The following STN1 variants were observed in gnomAD, a reference collection of about 807,000 sequenced individuals.
The protein encoded by STN1 is CST complex subunit STN1.
A neutral mutation model predicts 45.5 loss-of-function variants in STN1; 29 were observed. The ratio of observed to expected loss-of-function variants is 0.64; its 90% CI spans 0.47 to 0.87. The LOEUF is 0.87. STN1 is among the 40% of genes least tolerant of loss of function. STN1 has a pLI of 0.00. For synonymous variants in STN1, 148 were observed against 159.0 expected, an observed-to-expected ratio of 0.93 and a Z score of 0.52; for missense variants, 376 against 441.4, an observed-to-expected ratio of 0.85 and a Z score of 1.33.
At position 103,909,400 on chromosome 10, in the gene STN1, A is replaced by ATATATATGTATATATGTATATATATGTG. The variant is rs1564634942; in HGVS notation, c.229+1126_229+1127insCACATATATATACATATATACATATATA. Among the ~76,000 whole-genome samples, 15 of 57,816 alleles carry ATATATATGTATATATGTATATATATGTG rather than the reference A, an allele frequency of 2.6e-4. 1 individual carries two copies. Among genetic ancestry groups the ATATATATGTATATATGTATATATATGTG allele is most frequent in the Admixed American group, 1.1e-3 (5 of 4,606 alleles). The allele number at this position is 57,816 out of a possible 152,430, so 37.9% of individuals were successfully genotyped here. A position where few individuals can be genotyped will look rare whatever the true frequency, so the allele number is the denominator to read the frequency against. On this transcript the variant is annotated intron_variant, in intron 3 of 9. Coordinates refer to ENST00000224950, the MANE Select transcript of STN1 (RefSeq NM_024928.5). ...TATATGTATATATATGTATATATGTATATATATGTATATATGTATATATGT... is the reference window on the plus strand; with the variant it reads ...TATATGTATATATATGTATATATGTATATATATGTATATATGTATATATATGTGTATATATGTATATATGTATATATGT...
chr10:103,892,022 T>G, intron 8 of STN1, 108 bp downstream of exon 8: 3 of 921,632 alleles, frequency 3.3e-6, no homozygotes, highest in Non-Finnish European at 4.7e-6. Flanking sequence ...TCTGATTTTA[T>G]GTACCTCCTT....
At chr10:103,893,246 G>T (rs1185522945) in intron 7 of STN1, among the ~76,000 whole-genome samples, 1 of 151,944 alleles carries the variant, frequency 6.6e-6, no homozygotes, top group East Asian at 1.9e-4. Flanking sequence ...TCAGCTCACT[G>T]CAAGCTCCAC....
rs898925474 is a variant in STN1 at position 103,897,604 on chromosome 10, C to T, written c.697G>A (p.Glu233Lys). 1.9e-6 allele frequency: 3 copies of T among 1,614,152 alleles called. No homozygotes were observed. In the African/African-American group the frequency reaches 4.0e-5, roughly 22 times the overall value. The change falls in exon 7 of 10, where the codon GAG becomes AAG. Residue 233 changes from glutamate to lysine, a missense_variant. Coordinates refer to ENST00000224950, the MANE Select transcript of STN1 (RefSeq NM_024928.5). ...TGATTGGCAAGGGACAGCAAAGACT[C>T]CACCATTTCCAGCTCCTGCTGGTAA... ...SFYQQELEMV[E>K]SLLSLANQPV...
chr10:103,910,546 A>C lies in STN1; in HGVS notation c.210T>G (p.Asp70Glu), dbSNP rs753319395. The change falls in exon 3 of 10, where the codon GAT becomes GAG. Residue 70 changes from aspartate to glutamate, a missense_variant. Physicochemically the swap from Asp to Glu is conservative, Grantham distance 45. Coordinates refer to ENST00000224950, the MANE Select transcript of STN1 (RefSeq NM_024928.5). ...LGTVIGVRER[D>E]AFYSYGVDDS... The stretch of plus-strand genomic sequence containing the variant: ...TCTTACCTCCATAACTGTAGAAAGC[A>C]TCTCTTTCTCTCACTCCAATGACAG... 7 of 1,601,128 alleles carry C rather than the reference A, an allele frequency of 4.4e-6. No individual in the cohort carries two copies. In the Admixed American group the frequency reaches 8.3e-5, roughly 19 times the overall value.
chr10:103,914,441 C>T (rs1356886886), intron 2 of STN1, among the ~76,000 whole-genome samples: 1 of 136,744 alleles, frequency 7.3e-6, no homozygotes, highest in East Asian at 2.2e-4. Context: ...GTGGTACAAT[C>T]ACAGCTTACT....
intron 3 of STN1, among the ~76,000 whole-genome samples, chr10:103,909,173 A>G (rs1843263909): frequency 6.6e-6 from 1 of 151,480 alleles, no homozygotes. Flanking sequence ...CGTTGTTGGC[A>G]TTTGGAGAGG....
At chr10:103,899,922 G>A (rs1843195752) in intron 5 of STN1, 140 bp downstream of exon 5, 1 of 628,706 alleles carries the variant, frequency 1.6e-6, no homozygotes, top group Non-Finnish European at 2.7e-6. Flanking sequence ...AAGAAAGCAT[G>A]TTAAACAATG....
chr10:103,911,082 AT>A (rs376539230), intron 2 of STN1, among the ~76,000 whole-genome samples: 10 of 148,294 alleles, frequency 6.7e-5, no homozygotes, highest in African/African-American at 2.0e-4. Flanking sequence ...TGGCAATAGC[AT>A]TTTTTTTAAA....
chr10:103,883,023 C>A (rs1448895729), intron 9 of STN1, among the ~76,000 whole-genome samples, 182 bp from the exon 10 acceptor site: 1 of 152,214 alleles, frequency 6.6e-6, no homozygotes, highest in Non-Finnish European at 1.5e-5. Flanking sequence ...TGTTCTCAGG[C>A]CCCTGATGTC....
At chr10:103,884,586 C>T (rs1004340833) in intron 9 of STN1, among the ~76,000 whole-genome samples, 8 of 152,124 alleles carry the variant, frequency 5.3e-5, no homozygotes, top group African/African-American at 1.7e-4. Flanking sequence ...CTCTCTCTGC[C>T]GTATACCCAG....
chr10:103,887,533 C>A (rs1843111863), intron 9 of STN1, among the ~76,000 whole-genome samples: 1 of 152,138 alleles, frequency 6.6e-6, no homozygotes, highest in Non-Finnish European at 1.5e-5. Flanking sequence ...TTCTGAATTG[C>A]TATGTTATAA....
At chr10:103,903,696 C>A (rs541646838) in intron 4 of STN1, among the ~76,000 whole-genome samples, 2 of 152,260 alleles carry the variant, frequency 1.3e-5, no homozygotes, top group African/African-American at 4.8e-5. Flanking sequence ...TTTCTGGCCT[C>A]CAGAACTATG....
intron 8 of STN1, among the ~76,000 whole-genome samples, chr10:103,889,595 A>C (rs1293269922): frequency 2.0e-5 from 3 of 151,808 alleles, no homozygotes; most frequent in Non-Finnish European, 2.9e-5. Flanking sequence ...AAAAAAAAAA[A>C]AACCCTGCAA....
rs1008801283 is a variant in STN1 at position 103,878,532 on chromosome 10, C to A, written c.*4152G>T. 1 of 152,110 alleles carries A rather than the reference C, an allele frequency of 6.6e-6. No individual in the cohort carries two copies. Among genetic ancestry groups the A allele is most frequent in the African/African-American group, 2.4e-5 (1 of 41,404 alleles). 9.4% of individuals were successfully genotyped at this position (152,110 alleles called of 1,614,324 possible). On this transcript the variant is annotated 3_prime_UTR_variant, in exon 10 of 10. Coordinates refer to ENST00000224950, the MANE Select transcript of STN1 (RefSeq NM_024928.5). ...AGTCAGGAGTTTGAGACTGCCCGGG[C>A]CGAGTCTGGCTTACACACCGGTTGA...
At chr10:103,897,302 A>T in intron 7 of STN1, among the ~76,000 whole-genome samples, 1 of 119,420 alleles carries the variant, frequency 8.4e-6, no homozygotes, top group Non-Finnish European at 1.8e-5. Context: ...ACAGAGTGAG[A>T]CTCTGTCTCC....
Position 103,905,105 on chromosome 10 carries a change from G to T in STN1, c.281C>A (p.Thr94Asn). 1 of 1,613,812 alleles carries T rather than the reference G, an allele frequency of 6.2e-7. No individual in the cohort carries two copies. Among genetic ancestry groups the T allele is most frequent in the Non-Finnish European group, 8.5e-7 (1 of 1,179,714 alleles). ...INCICWKKLN[T>N]ESVSAAPSAA... ...AATAAAATTACCTGATACAGACTCA[G>T]TATTCAACTTTTTCCAGCAGATGCA... Residue 94 changes from threonine (T) to asparagine (N), a missense_variant, in exon 4 of 10, where the codon ACT (threonine) becomes AAT (asparagine). Thr to Asn is a moderately conservative substitution (Grantham distance 65). Coordinates refer to ENST00000224950, the MANE Select transcript of STN1 (RefSeq NM_024928.5).
At chr10:103,907,232 G>A (rs972723801) in intron 3 of STN1, among the ~76,000 whole-genome samples, 2 of 152,162 alleles carry the variant, frequency 1.3e-5, no homozygotes, top group Non-Finnish European at 2.9e-5. Flanking sequence ...GTTCACTGTA[G>A]TATTCTTTAT....
chr10:103,895,432 A>C (rs1843164836), intron 7 of STN1, among the ~76,000 whole-genome samples: 1 of 152,208 alleles, frequency 6.6e-6, no homozygotes, highest in Non-Finnish European at 1.5e-5. Flanking sequence ...TGCTGATAGA[A>C]TCATCAGAAG....
intron 3 of STN1, among the ~76,000 whole-genome samples, chr10:103,908,495 G>A (rs1354966753): frequency 6.6e-6 from 1 of 152,246 alleles, no homozygotes; most frequent in Non-Finnish European, 1.5e-5. Flanking sequence ...GTCAGGGGAA[G>A]CAGAACCCAG....
Sources: gnomAD v4.1 joint callset for allele counts (sites outside exome capture counted in the v4.1 genomes callset) on GRCh38, gnomAD v4.1.1 for gene constraint, MANE v1.5 for transcripts, NCBI Gene and HGNC (gene_info 2026-07-23, HGNC 2026-07-21) for gene names.